Variants in HEATR9 observed in about 807,000 individuals in gnomAD.
HEATR9 encodes protein HEATR9.
HEATR9 carries 54 observed loss-of-function variants against 68.2 expected under a neutral mutation model. The ratio of observed to expected loss-of-function variants is 0.79; its 90% confidence interval spans 0.64 to 0.99. The LOEUF is 0.99. HEATR9 is among the 50% of genes least tolerant of loss of function. HEATR9 has a pLI of 0.00. For missense variants in HEATR9, 662 were observed against 679.7 expected (o/e 0.97, Z 0.29); for synonymous variants, 241 against 253.5 (o/e 0.95, Z 0.47).
chr17:35,866,668 G>A, intron 2 of HEATR9, 56 bp downstream of exon 2: 1 of 1,503,092 alleles, frequency 6.7e-7, no homozygotes, highest in Non-Finnish European at 9.3e-7. Flanking sequence ...GGGATAGTTT[G>A]CTGCCCCTCC....
intron 12 of HEATR9, 138 bp from the exon 13 acceptor site, chr17:35,856,362 G>C: frequency 6.3e-7 from 1 of 1,589,100 alleles, no homozygotes; most frequent in Non-Finnish European, 8.6e-7. Context: ...TTGTTTCTTG[G>C]ATCAGAAAAG....
In HEATR9 at chr17:35,863,538, C is replaced by CTT; in HGVS notation, c.587_588dup (p.Val197LysfsTer2). 6.2e-7 allele frequency: 1 copy of CTT among 1,614,236 alleles called. No homozygotes were observed. Among genetic ancestry groups the CTT allele is most frequent in the Non-Finnish European group, 8.5e-7 (1 of 1,180,046 alleles). ...AGGGTTCGGTAGGCCTCGTACTTCA[C>CTT]TTTCTCTGGACCAGTTTGGGCCTAA... is the stretch of plus-strand genomic sequence containing the variant. On this transcript the variant is annotated frameshift_variant, in exon 7 of 15. Coordinates refer to ENST00000604834, the MANE Select transcript of HEATR9 (RefSeq NM_152781.4). LOFTEE classifies it high-confidence loss of function.
chr17:35,858,079 G>C, intron 11 of HEATR9, 121 bp downstream of exon 11: 1 of 1,408,512 alleles, frequency 7.1e-7, no homozygotes, highest in East Asian at 2.3e-5. Context: ...GGCTGCATTA[G>C]TTGAACAGGA....
intron 11 of HEATR9, among the ~76,000 whole-genome samples, chr17:35,857,942 G>A (rs955414781): frequency 1.3e-5 from 2 of 152,134 alleles, no homozygotes; most frequent in Admixed American, 6.6e-5. Flanking sequence ...CAGAAGGGGA[G>A]ACGGATTACT....
intron 11 of HEATR9, among the ~76,000 whole-genome samples, 165 bp downstream of exon 11, chr17:35,858,035 T>A (rs2087838488): frequency 6.6e-6 from 1 of 152,204 alleles, no homozygotes; most frequent in South Asian, 2.1e-4. Flanking sequence ...CTGAGTGAAC[T>A]GCCTGAGCAA....
intron 8 of HEATR9, among the ~76,000 whole-genome samples, chr17:35,860,391 C>CA (rs1291619732): frequency 0.035 from 2,006 of 56,688 alleles, 72 homozygotes; most frequent in African/African-American, 0.11. Flanking sequence ...GACTCCGTCT[C>CA]AAAAAAAAAA....
intron 6 of HEATR9, 90 bp downstream of exon 6, chr17:35,864,156 G>T: frequency 1.8e-6 from 2 of 1,089,928 alleles, no homozygotes; most frequent in Non-Finnish European, 2.8e-6. Context: ...CGCCATCCTA[G>T]CACCCCGGGG....
chr17:35,861,607 C>A, intron 8 of HEATR9: 1 of 641,656 alleles, frequency 1.6e-6, no homozygotes. Context: ...TTAACCATGC[C>A]AAACATACTC....
At chr17:35,867,027 G>A (rs542923873) in intron 1 of HEATR9, among the ~76,000 whole-genome samples, 162 of 152,116 alleles carry the variant, frequency 1.1e-3, no homozygotes, top group African/African-American at 3.7e-3. Context: ...CGAGACGGGC[G>A]GATCACGAGG....
chr17:35,856,185 T>C lies in HEATR9; in HGVS notation c.1266A>G (p.Ala422=), dbSNP rs201010551. ...GAGCCTGCCTTACCAAAGAGATGAC[T>C]GCTTCCTGGCGTGCAGTGGCATCTG... ...MNPDATARQE[A]VISLGVLGIR... is the part of the protein sequence containing the mutation. The change falls in exon 13 of 15, where the codon GCA becomes GCG. Residue 422 remains alanine (A), a synonymous_variant. Transcript: ENST00000604834. 3.8e-5 allele frequency: 61 copies of C among 1,614,140 alleles called. No homozygotes were observed. The Admixed American group carries it at 3.8e-4, about 10-fold the overall frequency.
chr17:35,865,482 G>T, intron 2 of HEATR9, 86 bp from the exon 3 acceptor site: 2 of 961,592 alleles, frequency 2.1e-6, no homozygotes, highest in Non-Finnish European at 3.1e-6. Context: ...TAAAGGGAGG[G>T]AAGGGCAGGG....
chr17:35,856,967 A>T (rs2087797662), intron 11 of HEATR9, among the ~76,000 whole-genome samples, 162 bp from the exon 12 acceptor site: 1 of 148,580 alleles, frequency 6.7e-6, no homozygotes, highest in South Asian at 2.1e-4. Flanking sequence ...ATAGGCAATT[A>T]TAATACTGTG....
chr17:35,865,512 C>G, intron 2 of HEATR9, 116 bp from the exon 3 acceptor site: 1 of 697,006 alleles, frequency 1.4e-6, no homozygotes, highest in Non-Finnish European at 2.4e-6. Context: ...TGCCCTCTAG[C>G]CTCTCATCTG....
chr17:35,860,346 T>G (rs1002004911), intron 8 of HEATR9, among the ~76,000 whole-genome samples: 1 of 139,572 alleles, frequency 7.2e-6, no homozygotes, highest in African/African-American at 2.7e-5. Context: ...GAGCCGAGAC[T>G]GCACCACTGC....
In HEATR9 at chr17:35,865,362, C is replaced by T. The variant is rs375128821; in HGVS notation, c.173G>A (p.Cys58Tyr). The change falls in exon 3 of 15, where the codon TGC becomes TAC. Residue 58 changes from cysteine (C) to tyrosine (Y), a missense_variant. By Grantham distance (194) the Cys-to-Tyr change is radical. Coordinates refer to ENST00000604834, the MANE Select transcript of HEATR9 (RefSeq NM_152781.4). ...TGGCTTGCTCGGATGCTGCCTCCAG[C>T]ACTCTGGACTTGGGGGAAACTCTTC... is the stretch of plus-strand genomic sequence containing the variant. The part of the protein sequence containing the change: ...PKEEFPPSPE[C>Y]WRQHPSKPNS... 2.1e-5 allele frequency: 34 copies of T among 1,613,566 alleles called. No individual in the cohort carries two copies. Among genetic ancestry groups the T allele is most frequent in the African/African-American group, 4.0e-5 (3 of 74,842 alleles).
chr17:35,865,027 C>G (rs2088143480), intron 3 of HEATR9, 137 bp from the exon 4 acceptor site: 2 of 1,365,922 alleles, frequency 1.5e-6, no homozygotes, highest in Non-Finnish European at 2.0e-6. Flanking sequence ...TCAGTGATAT[C>G]CACCAGAGCC....
intron 8 of HEATR9, among the ~76,000 whole-genome samples, chr17:35,860,333 A>C (rs551020983): frequency 2.6e-4 from 37 of 143,890 alleles, no homozygotes; most frequent in African/African-American, 8.2e-4. Context: ...TGGAGCTTGC[A>C]GTGAGCCGAG....
rs761758975 is a variant in HEATR9 at position 35,856,220 on chromosome 17, G to A, written c.1231C>T (p.Leu411=). 6.2e-7 allele frequency: 1 copy of A among 1,614,190 alleles called. No individual in the cohort carries two copies. Among genetic ancestry groups the A allele is most frequent in the Non-Finnish European group, 8.5e-7 (1 of 1,180,020 alleles). ...CGTGCAGTGGCATCTGGGTTCATCA[G>A]TTGTCTGTGTAGAAGGGAGTGAGTA... ...PTMMNLVEAQ[L]MNPDATARQE... The change falls in exon 13 of 15, where the codon CTG becomes TTG. Residue 411 remains leucine (L), a synonymous_variant. Transcript: ENST00000604834.
Position 35,864,873 on chromosome 17 carries a change from T to G in HEATR9, c.338A>C (p.His113Pro). The G allele has an allele frequency of 6.2e-7, 1 of 1,614,242 alleles. No individual in the cohort carries two copies. Among genetic ancestry groups the G allele is most frequent in the Non-Finnish European group, 8.5e-7 (1 of 1,180,034 alleles). ...RDDCRYIKEV[H>P]QTHIKMFHLP... is the part of the protein sequence containing the mutation. ...ATGGAACATTTTGATGTGGGTTTGA[T>G]GTACCTCTTTGATGTACCTGTGTGA... Residue 113 changes from histidine to proline, a missense_variant, in exon 4 of 15, where the codon CAT becomes CCT. His to Pro is a moderately conservative substitution (Grantham distance 77, BLOSUM62 -2). Coordinates refer to ENST00000604834, the MANE Select transcript of HEATR9 (RefSeq NM_152781.4).
Sources: allele counts gnomAD v4.1 joint callset (sites outside exome capture counted in the v4.1 genomes callset), GRCh38; gene constraint gnomAD v4.1.1; transcripts MANE v1.5; gene names NCBI Gene and HGNC (gene_info 2026-07-23, HGNC 2026-07-21).